The following ITPR1 variants were observed in gnomAD, a reference collection of about 807,000 sequenced individuals.
ITPR1 encodes inositol 1,4,5-trisphosphate-gated calcium channel ITPR1.
A neutral mutation model predicts 318.4 loss-of-function variants in ITPR1; 96 were observed. The observed-to-expected ratio is 0.30, with a 90% CI of 0.26 to 0.36. The LOEUF (loss-of-function observed/expected upper bound fraction) is 0.36, where lower values mean the gene tolerates loss of function less well. Among genes scored for constraint, ITPR1 ranks in the 10% least tolerant of loss-of-function variants. The probability of loss-of-function intolerance (pLI) is 1.00; values close to 1 mark genes in which losing one functional copy is unlikely to be tolerated. For synonymous variants in ITPR1, 1,312 were observed against 1,289.9 expected (o/e 1.02, Z -0.37); for missense variants, 2,440 against 3,460.2 (o/e 0.71, Z 7.40).
At chr3:4,839,268 G>A (rs2051162035) in intron 61 of ITPR1, among the ~76,000 whole-genome samples, 1 of 152,008 alleles carries the variant, frequency 6.6e-6, no homozygotes, top group Non-Finnish European at 1.5e-5. Context: ...CGGAGGTTGT[G>A]GTGAGCCGAG....
At chr3:4,762,119 C>G (rs1575158264) in intron 44 of ITPR1, among the ~76,000 whole-genome samples, 2 of 152,168 alleles carry the variant, frequency 1.3e-5, no homozygotes, top group Non-Finnish European at 2.9e-5. Flanking sequence ...CAATAGATAC[C>G]ACTGCTTCTG....
At chr3:4,728,106 A>T (rs1249762453) in intron 42 of ITPR1, among the ~76,000 whole-genome samples, 1 of 152,248 alleles carries the variant, frequency 6.6e-6, no homozygotes, top group African/African-American at 2.4e-5. Context: ...TTTTCCTTTG[A>T]TGAAGAAATG....
At chr3:4,834,042 C>A (rs1285149689) in intron 60 of ITPR1, among the ~76,000 whole-genome samples, 1 of 152,176 alleles carries the variant, frequency 6.6e-6, no homozygotes, top group Non-Finnish European at 1.5e-5. Flanking sequence ...CAGGTGCCCA[C>A]CACCACACCG....
At chr3:4,568,858 A>C (rs2125032588) in intron 4 of ITPR1, among the ~76,000 whole-genome samples, 1 of 152,282 alleles carries the variant, frequency 6.6e-6, no homozygotes, top group South Asian at 2.1e-4. Flanking sequence ...AAAGAGGTTT[A>C]ATTGGCTCAC....
chr3:4,568,205 G>A (rs531064474), intron 4 of ITPR1, among the ~76,000 whole-genome samples: 4 of 152,288 alleles, frequency 2.6e-5, no homozygotes, highest in Middle Eastern at 3.4e-3. Context: ...TTGTTGTGGA[G>A]AACCTCAGAA....
chr3:4,564,430 C>T (rs2087005476), intron 4 of ITPR1, among the ~76,000 whole-genome samples: 2 of 152,260 alleles, frequency 1.3e-5, no homozygotes, highest in South Asian at 2.1e-4. Context: ...TAAGTCATGT[C>T]GGAATAGGTC....
At chr3:4,574,057 C>T (rs1237987770) in intron 4 of ITPR1, among the ~76,000 whole-genome samples, 1 of 152,200 alleles carries the variant, frequency 6.6e-6, no homozygotes, top group Non-Finnish European at 1.5e-5. Flanking sequence ...GCCCCATGTA[C>T]ACATGGCGCC....
At position 4,818,112 on chromosome 3, in the gene ITPR1, C is replaced by T; in HGVS notation, c.7898C>T (p.Thr2633Ile). Residue 2633 changes from threonine to isoleucine, a missense_variant, in exon 60 of 62, where the codon ACT becomes ATT. This residue lies in a region of ITPR1 where 72 missense variants were observed against 197.7 expected (regional missense o/e 0.36). Transcript: ENST00000649015. ...GAAAGAGACAAGTTTGACAACAAGA[C>T]TGTCACCTTTGAAGAGCACATCAAG... ...GLERDKFDNK[T>I]VTFEEHIKEE... 6.2e-7 allele frequency: 1 copy of T among 1,605,080 alleles called. No individual in the cohort carries two copies. The highest frequency in any genetic ancestry group is 8.5e-7 in the Non-Finnish European group (1 of 1,173,254).
At chr3:4,811,605 T>G in intron 56 of ITPR1, 145 bp downstream of exon 56, 1 of 643,024 alleles carries the variant, frequency 1.6e-6, no homozygotes, top group Non-Finnish European at 2.6e-6. Context: ...CAAATACAGG[T>G]CTTCATTCTC....
At chr3:4,520,096 G>A (rs1043405740) in intron 3 of ITPR1, among the ~76,000 whole-genome samples, 14 of 152,292 alleles carry the variant, frequency 9.2e-5, no homozygotes, top group African/African-American at 3.4e-4. Flanking sequence ...ACAGATGAAT[G>A]GAGGAACCCT....
At chr3:4,647,170 T>G (rs1453869511) in intron 10 of ITPR1, among the ~76,000 whole-genome samples, 5 of 152,208 alleles carry the variant, frequency 3.3e-5, no homozygotes, top group Admixed American at 2.0e-4. Flanking sequence ...GTTCTGTTTT[T>G]TTTTCACTCA....
intron 21 of ITPR1, among the ~76,000 whole-genome samples, chr3:4,673,867 C>T (rs1574797432): frequency 6.6e-6 from 1 of 152,220 alleles, no homozygotes; most frequent in African/African-American, 2.4e-5. Context: ...CAGGCGTGAG[C>T]CACCGCGCCT....
rs138660344 is a variant in ITPR1, at chr3:4,721,107, G to GAT, written c.5136+3725_5136+3726dup. Among the ~76,000 whole-genome samples the GAT allele has an allele frequency of 3.7e-3, 517 of 140,992 alleles. 1 individual carries two copies. The highest frequency in any genetic ancestry group is 4.7e-3 in the Non-Finnish European group (308 of 65,314). The allele number at this position is 140,992 out of a possible 152,430, so 92.5% of individuals were successfully genotyped here. A position where few individuals can be genotyped will look rare whatever the true frequency, so the allele number is the denominator to read the frequency against. ...GAACCTATTGCAAAGTCAGTGGAGG[G>GAT]ATATATATATATATATATTTATATA... On this transcript the variant is annotated intron_variant, in intron 40 of 61. Coordinates refer to ENST00000649015, the MANE Select transcript of ITPR1 (RefSeq NM_001378452.1).
intron 44 of ITPR1, among the ~76,000 whole-genome samples, chr3:4,765,749 A>G (rs576923352): frequency 6.6e-6 from 1 of 152,308 alleles, no homozygotes; most frequent in South Asian, 2.1e-4. Flanking sequence ...GTGAAAAGCG[A>G]ATACTCATAA....
chr3:4,583,328 C>A (rs890933607), intron 4 of ITPR1, among the ~76,000 whole-genome samples: 3 of 152,026 alleles, frequency 2.0e-5, no homozygotes, highest in Admixed American at 1.3e-4. Flanking sequence ...AAAAAGTTAG[C>A]GTTTTTTCAC....
At chr3:4,561,527 T>G (rs1157514254) in intron 4 of ITPR1, among the ~76,000 whole-genome samples, 2 of 152,128 alleles carry the variant, frequency 1.3e-5, no homozygotes, top group African/African-American at 4.8e-5. Flanking sequence ...TCACTACATT[T>G]CTAGGTTCAA....
At chr3:4,733,035 C>T (rs753625545) in intron 42 of ITPR1, 53 bp from the exon 43 acceptor site, 17 of 1,573,582 alleles carry the variant, frequency 1.1e-5, no homozygotes, top group Non-Finnish European at 1.5e-5. Flanking sequence ...ATATTCGTCC[C>T]TCGGTGATGC....
chr3:4,565,634 C>T (rs554172713), intron 4 of ITPR1, among the ~76,000 whole-genome samples: 4 of 152,282 alleles, frequency 2.6e-5, no homozygotes, highest in African/African-American at 7.2e-5. Flanking sequence ...CCACAGAGAG[C>T]AGGCTGTATT....
chr3:4,782,521 T>C (rs1321198144), intron 49 of ITPR1, 98 bp from the exon 50 acceptor site: 103 of 1,311,454 alleles, frequency 7.9e-5, no homozygotes, highest in Non-Finnish European at 1.0e-4. Flanking sequence ...AACAGCCTTT[T>C]CCCTGGGAGG....
Sources: allele counts gnomAD v4.1 joint callset (sites outside exome capture counted in the v4.1 genomes callset), GRCh38; gene constraint gnomAD v4.1.1; regional missense constraint gnomAD v4.1.1; transcripts MANE v1.5; gene names NCBI Gene and HGNC (gene_info 2026-07-23, HGNC 2026-07-21).